The following GAP43 variants were observed in gnomAD, a reference collection of about 807,000 sequenced individuals.
GAP43 encodes neuromodulin.
A neutral mutation model predicts 18.6 loss-of-function variants in GAP43; 6 were observed. That is an observed-to-expected ratio of 0.32 (90% CI 0.18 to 0.64). The LOEUF (loss-of-function observed/expected upper bound fraction) is 0.64. Among genes scored for constraint, GAP43 ranks in the 30% least tolerant of loss-of-function variants. The pLI, the probability that GAP43 is intolerant of heterozygous loss-of-function variation, is 0.78. For missense variants in GAP43, 292 were observed against 295.5 expected, an observed-to-expected ratio of 0.99 and a Z score of 0.09; for synonymous variants, 115 against 111.4, an observed-to-expected ratio of 1.03 and a Z score of -0.20.
intron 2 of GAP43, among the ~76,000 whole-genome samples, chr3:115,700,818 C>A (rs550076707): frequency 1.3e-5 from 2 of 152,208 alleles, no homozygotes; most frequent in South Asian, 4.1e-4. Flanking sequence ...AGTATTTTCA[C>A]ATTTTTGATC....
intron 2 of GAP43, among the ~76,000 whole-genome samples, chr3:115,679,790 T>C (rs1038507108): frequency 1.5e-4 from 23 of 152,242 alleles, no homozygotes; most frequent in African/African-American, 5.5e-4. Context: ...TCCAGAGGGC[T>C]ATCAATCAGT....
intron 2 of GAP43, among the ~76,000 whole-genome samples, chr3:115,702,145 G>A (rs1337705658): frequency 6.6e-6 from 1 of 152,116 alleles, no homozygotes; most frequent in East Asian, 1.9e-4. Context: ...TACTTGGGAA[G>A]TAAGAATTTG....
chr3:115,681,949 A>G (rs1181077610), intron 2 of GAP43, among the ~76,000 whole-genome samples: 1 of 152,192 alleles, frequency 6.6e-6, no homozygotes, highest in Non-Finnish European at 1.5e-5. Context: ...ACACTTATCC[A>G]AGTGCTATTC....
chr3:115,665,322 T>C (rs1332285258), intron 1 of GAP43, among the ~76,000 whole-genome samples: 1 of 152,214 alleles, frequency 6.6e-6, no homozygotes, highest in Non-Finnish European at 1.5e-5. Context: ...CTAGAGCTGA[T>C]ATTAGGATTG....
intron 2 of GAP43, among the ~76,000 whole-genome samples, chr3:115,704,857 A>G (rs1418116383): frequency 6.6e-6 from 1 of 152,288 alleles, no homozygotes; most frequent in Middle Eastern, 3.4e-3. Context: ...AGAATAAGGA[A>G]CTGAAATCAG....
At chr3:115,705,950 G>T (rs576337747) in intron 2 of GAP43, among the ~76,000 whole-genome samples, 2 of 152,082 alleles carry the variant, frequency 1.3e-5, no homozygotes, top group African/African-American at 4.8e-5. Flanking sequence ...GAAGTATGAC[G>T]TCTCTTTGCC....
intron 2 of GAP43, among the ~76,000 whole-genome samples, chr3:115,712,694 T>G (rs1328272478): frequency 6.6e-6 from 1 of 152,178 alleles, no homozygotes; most frequent in Non-Finnish European, 1.5e-5. Flanking sequence ...AGGAAAAGCA[T>G]CTTCTCTGAA....
chr3:115,719,580 T>C lies in GAP43; in HGVS notation c.629-1214T>C, dbSNP rs183801765. Among the ~76,000 whole-genome samples the C allele has an allele frequency of 8.9e-4, 135 of 152,360 alleles. 2 individuals carry two copies. On this transcript the variant is annotated intron_variant, in intron 2 of 2. Transcript: ENST00000305124. Reference sequence around the variant, plus strand: ...AGATGACATCTTCCATGTGTTATGGTAATTTATTGCTGAAAGAATTAAGCA... The same window carrying C: ...AGATGACATCTTCCATGTGTTATGGCAATTTATTGCTGAAAGAATTAAGCA...
At chr3:115,703,954 A>G (rs569669717) in intron 2 of GAP43, among the ~76,000 whole-genome samples, 4 of 152,196 alleles carry the variant, frequency 2.6e-5, no homozygotes, top group African/African-American at 7.2e-5. Context: ...CACTTTTTCA[A>G]TATAGTTCTG....
chr3:115,704,466 A>C (rs1300545989), intron 2 of GAP43, among the ~76,000 whole-genome samples: 5 of 152,222 alleles, frequency 3.3e-5, no homozygotes, highest in Non-Finnish European at 7.4e-5. Flanking sequence ...CTTTCTGCAT[A>C]AAATATCCAC....
At position 115,715,875 on chromosome 3, in the gene GAP43, G is replaced by C. The variant is rs138253448; in HGVS notation, c.629-4919G>C. ...TTGGGCAAAGGTAAAACCAGGGAAAGCAACTAAAGTAAAATCTGCTGAGAT... is the reference window on the plus strand; with the variant it reads ...TTGGGCAAAGGTAAAACCAGGGAAACCAACTAAAGTAAAATCTGCTGAGAT... On this transcript the variant is annotated intron_variant, in intron 2 of 2. Coordinates refer to ENST00000305124, the MANE Select transcript of GAP43 (RefSeq NM_002045.4). 4.6e-3 allele frequency among the ~76,000 whole-genome samples: 697 copies of C among 152,312 alleles called. 2 individuals carry two copies. The highest frequency in any genetic ancestry group is 7.6e-3 in the Admixed American group (116 of 15,290).
At chr3:115,683,110 TC>T (rs1191252798) in intron 2 of GAP43, among the ~76,000 whole-genome samples, 2 of 145,624 alleles carry the variant, frequency 1.4e-5, no homozygotes, top group African/African-American at 5.1e-5. Flanking sequence ...TTTTCTTTTT[TC>T]TCTACATACA....
Position 115,720,940 on chromosome 3 carries a change from C to G in GAP43, c.*58C>G. 8.5e-7 allele frequency: 1 copy of G among 1,178,210 alleles called. No homozygotes were observed. The highest frequency in any genetic ancestry group is 1.3e-6 in the Non-Finnish European group (1 of 797,474). The allele number at this position is 1,178,210 out of a possible 1,614,324, so 73.0% of individuals were successfully genotyped here. On this transcript the variant is annotated 3_prime_UTR_variant, in exon 3 of 3. Transcript: ENST00000305124. ...TCCCCTCTCCTGAGCCTGTCTCTCCCTACCCTCTTCTCAGCTCCACTCTGA... is the reference window on the plus strand; with the variant it reads ...TCCCCTCTCCTGAGCCTGTCTCTCCGTACCCTCTTCTCAGCTCCACTCTGA...
intron 1 of GAP43, among the ~76,000 whole-genome samples, chr3:115,625,419 G>A (rs1708175497): frequency 6.6e-6 from 1 of 152,008 alleles, no homozygotes; most frequent in South Asian, 2.1e-4. Flanking sequence ...ATATATAAAT[G>A]TAATAAATAC....
intron 2 of GAP43, among the ~76,000 whole-genome samples, chr3:115,697,189 C>CATTT: frequency 1.5e-5 from 1 of 66,540 alleles, no homozygotes; most frequent in Non-Finnish European, 2.8e-5. Context: ...TTATACATTA[C>CATTT]ATTTATTTAT....
Position 115,721,033 on chromosome 3 carries a change from G to T in GAP43, c.*151G>T. 1 of 351,280 alleles carries T rather than the reference G, an allele frequency of 2.8e-6. No homozygotes were observed. The highest frequency in any genetic ancestry group is 5.2e-6 in the Non-Finnish European group (1 of 193,526). 21.8% of individuals were successfully genotyped at this position (351,280 alleles called of 1,614,324 possible). A position where few individuals can be genotyped will look rare whatever the true frequency, so the allele number is the denominator to read the frequency against. On this transcript the variant is annotated 3_prime_UTR_variant, in exon 3 of 3. Transcript: ENST00000305124. ...CCACCCACTAGCCCTCTTTCTCTCTGTGTGGCAAACATTTAAAAAAAAAAA... is the reference window on the plus strand; with the variant it reads ...CCACCCACTAGCCCTCTTTCTCTCTTTGTGGCAAACATTTAAAAAAAAAAA...
In GAP43 at chr3:115,676,047, A is replaced by G. The variant is rs1224287523; in HGVS notation, c.65A>G (p.Gln22Arg). ...AATGATGACGACCAAAAGATTGAAC[A>G]AGATGGTATCAAACCAGAAGATAAA... is the stretch of plus-strand genomic sequence containing the variant. Reference protein sequence around the residue: ...EKNDDDQKIEQDGIKPEDKAH... With the variant: ...EKNDDDQKIERDGIKPEDKAH... Residue 22 changes from glutamine to arginine, a missense_variant, in exon 2 of 3, where the codon CAA (glutamine) becomes CGA (arginine). By Grantham distance (43) the Gln-to-Arg change is conservative. Coordinates refer to ENST00000305124, the MANE Select transcript of GAP43 (RefSeq NM_002045.4). 1 of 1,611,254 alleles carries G rather than the reference A, an allele frequency of 6.2e-7. No individual in the cohort carries two copies.
At chr3:115,657,075 C>T (rs2107478370) in intron 1 of GAP43, among the ~76,000 whole-genome samples, 1 of 152,248 alleles carries the variant, frequency 6.6e-6, no homozygotes, top group East Asian at 1.9e-4. Context: ...TTAGTTACTT[C>T]TGTGTCATAA....
At chr3:115,649,395 A>G (rs1708496562) in intron 1 of GAP43, among the ~76,000 whole-genome samples, 1 of 152,166 alleles carries the variant, frequency 6.6e-6, no homozygotes, top group Non-Finnish European at 1.5e-5. Context: ...CATTCAAACC[A>G]TAACAGTGTC....
Sources: allele counts gnomAD v4.1 joint callset (sites outside exome capture counted in the v4.1 genomes callset), GRCh38; gene constraint gnomAD v4.1.1; transcripts MANE v1.5; gene names NCBI Gene and HGNC (gene_info 2026-07-23, HGNC 2026-07-21).